The following SETD1A variants were observed in gnomAD, a reference collection of about 807,000 sequenced individuals.
SETD1A encodes SET domain containing 1A, histone lysine methyltransferase, also known as histone-lysine N-methyltransferase SETD1A.
In SETD1A, 29 loss-of-function variants were observed where a neutral mutation model predicts 149.9. The observed-to-expected ratio is 0.19, with a 90% CI of 0.14 to 0.26. SETD1A has a LOEUF of 0.26. Ranked by LOEUF, SETD1A falls within the 10% of genes least tolerant of loss-of-function variation. SETD1A has a pLI of 1.00. For synonymous variants in SETD1A, 1,141 were observed against 968.5 expected (o/e 1.18, Z -3.31); for missense variants, 2,109 against 2,353.1 (o/e 0.90, Z 2.15).
rs1304614866 is a variant in SETD1A at position 30,964,727 on chromosome 16, G to A, written c.985G>A (p.Ala329Thr). The A allele has an allele frequency of 7.4e-6, 12 of 1,613,934 alleles. No individual in the cohort carries two copies. The highest frequency in any genetic ancestry group is 2.2e-5 in the East Asian group (1 of 44,892). Residue 329 changes from alanine (A) to threonine (T), a missense_variant, in exon 7 of 19, where the codon GCC becomes ACC. Coordinates refer to ENST00000262519, the MANE Select transcript of SETD1A (RefSeq NM_014712.3). ...CACAACCGCCTCCACGGCCATCGCC[G>A]CCACCACTGCAGCCACTGCCTCATC... ...ASTTASTAIA[A>T]TTAATASSSA...
intron 13 of SETD1A, among the ~76,000 whole-genome samples, chr16:30,976,494 C>G (rs1185403282): frequency 6.6e-6 from 1 of 151,998 alleles, no homozygotes; most frequent in Admixed American, 6.6e-5. Flanking sequence ...ATGATGAGGA[C>G]CTGGGGCTGT....
intron 9 of SETD1A, 122 bp downstream of exon 9, chr16:30,967,182 C>A: frequency 1.3e-6 from 1 of 742,898 alleles, no homozygotes; most frequent in East Asian, 2.7e-5. Context: ...GAGATGGAGT[C>A]TTACTCTGTT....
chr16:30,969,874 C>T (rs1352979081), intron 12 of SETD1A, among the ~76,000 whole-genome samples, 185 bp downstream of exon 12: 1 of 152,178 alleles, frequency 6.6e-6, no homozygotes, highest in African/African-American at 2.4e-5. Context: ...AAGCTCAGTG[C>T]TCAAAATGCT....
chr16:30,981,006 G>A, intron 16 of SETD1A, 55 bp from the exon 17 acceptor site: 1 of 1,607,742 alleles, frequency 6.2e-7, no homozygotes, highest in Non-Finnish European at 8.5e-7. Flanking sequence ...TGGGAAGAGT[G>A]AGGGTCTGGG....
chr16:30,966,829 A>G, intron 8 of SETD1A, 55 bp from the exon 9 acceptor site: 1 of 1,489,610 alleles, frequency 6.7e-7, no homozygotes, highest in Non-Finnish European at 8.9e-7. Context: ...GGTCTCAGGC[A>G]GGAGGGAATG....
In SETD1A at chr16:30,958,705, T is replaced by C; in HGVS notation, c.-15-12T>C. 1 of 1,612,758 alleles carries C rather than the reference T, an allele frequency of 6.2e-7. No homozygotes were observed. The highest frequency in any genetic ancestry group is 8.5e-7 in the Non-Finnish European group (1 of 1,179,028). The stretch of plus-strand genomic sequence containing the variant: ...TCCTGATCCTTCTTGCGTGTCCCTC[T>C]TCCCCTAACAGTGTAAATGAGCAAA... On this transcript the variant is annotated splice_polypyrimidine_tract_variant and intron_variant, in intron 1 of 18. Transcript: ENST00000262519.
At position 30,964,982 on chromosome 16, in the gene SETD1A, C is replaced by T. The variant is rs781251172; in HGVS notation, c.1240C>T (p.Pro414Ser). ...CCCACCTTCTTACACCTCCTACCTGCCCCCCGAGCCCAGCCGGCCCACCGA... is the reference window on the plus strand; with the variant it reads ...CCCACCTTCTTACACCTCCTACCTGTCCCCCGAGCCCAGCCGGCCCACCGA... ...RFPPSYTSYL[P>S]PEPSRPTDQD... Residue 414 changes from proline (P) to serine (S), a missense_variant, in exon 7 of 19, where the codon CCC (proline) becomes TCC (serine). Physicochemically the swap from Pro to Ser is moderately conservative, Grantham distance 74. Around this residue, in one of 8 missense-constraint regions of SETD1A, gnomAD observed 410 missense variants for 394.8 expected, o/e 1.04. Coordinates refer to ENST00000262519, the MANE Select transcript of SETD1A (RefSeq NM_014712.3). The T allele has an allele frequency of 1.3e-5, 21 of 1,613,640 alleles. No individual in the cohort carries two copies. Among genetic ancestry groups the T allele is most frequent in the Middle Eastern group, 1.6e-4 (1 of 6,080 alleles).
chr16:30,972,199 G>A (rs2056233826), intron 13 of SETD1A, among the ~76,000 whole-genome samples: 3 of 152,170 alleles, frequency 2.0e-5, no homozygotes, highest in South Asian at 4.1e-4. Flanking sequence ...TGAGGGAACC[G>A]CTCTTTCAAG....
At position 30,965,624 on chromosome 16, in the gene SETD1A, C is replaced by A. The variant is rs146323096; in HGVS notation, c.1743C>A (p.Asp581Glu). 6.2e-7 allele frequency: 1 copy of A among 1,611,868 alleles called. No individual in the cohort carries two copies. Among genetic ancestry groups the A allele is most frequent in the Non-Finnish European group, 8.5e-7 (1 of 1,179,394 alleles). The change falls in exon 8 of 19, where the codon GAC (aspartate) becomes GAA (glutamate). Residue 581 changes from aspartate to glutamate, a missense_variant. Physicochemically the swap from Asp to Glu is conservative, Grantham distance 45. Around this residue, in one of 8 missense-constraint regions of SETD1A, gnomAD observed 431 missense variants for 388.6 expected, o/e 1.11. Transcript: ENST00000262519. ...QNQASPCSSG[D>E]DMEISDDDRG... ...AGGCTTCTCCATGCTCTTCTGGAGA[C>A]GACATGGAGATCTCCGACGACGACC...
In SETD1A at chr16:30,968,233, T is replaced by C. The variant is rs530327346; in HGVS notation, c.2770+645T>C. Among the ~76,000 whole-genome samples, 9 of 152,012 alleles carry C rather than the reference T, an allele frequency of 5.9e-5. 1 individual carries two copies. The South Asian group carries it at 1.9e-3, about 32-fold the overall frequency. On this transcript the variant is annotated intron_variant, in intron 10 of 18. Coordinates refer to ENST00000262519, the MANE Select transcript of SETD1A (RefSeq NM_014712.3). ...CAGCCAGGCCAACATGGCACAACCC[T>C]GTCTCTACTAAAAATACAAAACAGC...
chr16:30,964,587 G>T, intron 6 of SETD1A, 25 bp from the exon 7 acceptor site: 1 of 1,601,436 alleles, frequency 6.2e-7, no homozygotes, highest in Non-Finnish European at 8.5e-7. Context: ...GCTGAGTCCA[G>T]CTAACTCCCC....
rs752178881 is a variant in SETD1A, at chr16:30,964,845, C to T, written c.1103C>T (p.Ala368Val). 18 of 1,614,070 alleles carry T rather than the reference C, an allele frequency of 1.1e-5. No individual in the cohort carries two copies. In the East Asian group the frequency reaches 1.8e-4, roughly 16 times the overall value. The change falls in exon 7 of 19, where the codon GCG (alanine) becomes GTG (valine). Residue 368 changes from alanine to valine, a missense_variant. Around this residue, in one of 8 missense-constraint regions of SETD1A, gnomAD observed 410 missense variants for 394.8 expected, o/e 1.04. Coordinates refer to ENST00000262519, the MANE Select transcript of SETD1A (RefSeq NM_014712.3). The stretch of plus-strand genomic sequence containing the variant: ...CGTAGTTCTGATGCAAACTACCCAG[C>T]GTATTATGAAAGCTGGAATCGCTAC... ...QFRSSDANYPAYYESWNRYQR... is the reference protein window; with the variant it reads ...QFRSSDANYPVYYESWNRYQR...
chr16:30,970,736 C>T (rs2056214128), intron 12 of SETD1A, among the ~76,000 whole-genome samples: 1 of 152,166 alleles, frequency 6.6e-6, no homozygotes, highest in African/African-American at 2.4e-5. Context: ...CAGGGTGTCC[C>T]CCCAGGCCAA....
chr16:30,973,393 A>C (rs1214727373), intron 13 of SETD1A, among the ~76,000 whole-genome samples: 1 of 152,122 alleles, frequency 6.6e-6, no homozygotes, highest in African/African-American at 2.4e-5. Context: ...GTCAGTGTTC[A>C]AGATGTGCTA....
rs142407172 is a variant in SETD1A at position 30,967,462 on chromosome 16, T to C, written c.2683-39T>C. 1,014 of 1,588,668 alleles carry C rather than the reference T, an allele frequency of 6.4e-4. 3 individuals are homozygous for C. In the African/African-American group the frequency reaches 0.012, roughly 18 times the overall value. ...AGCCACCGTGCTCTGCCTGAGTGTT[T>C]GAGCTCTAAACAGGCCCCATCTTTT... On this transcript the variant is annotated intron_variant, in intron 9 of 18. Transcript: ENST00000262519.
At chr16:30,963,600 T>C (rs775440738) in intron 5 of SETD1A, 46 bp downstream of exon 5, 1 of 1,573,256 alleles carries the variant, frequency 6.4e-7, no homozygotes, top group Non-Finnish European at 8.6e-7. Context: ...GTGGGCATGG[T>C]GTCCGGGTGC....
chr16:30,964,187 C>A lies in SETD1A; in HGVS notation c.733C>A (p.Gln245Lys). The change falls in exon 6 of 19, where the codon CAG becomes AAG. Residue 245 changes from glutamine (Q) to lysine (K), a missense_variant. Around this residue, in one of 8 missense-constraint regions of SETD1A, gnomAD observed 410 missense variants for 394.8 expected, o/e 1.04. Coordinates refer to ENST00000262519, the MANE Select transcript of SETD1A (RefSeq NM_014712.3). ...GTPGNGTPCSQDTSFSSSRQD... is the reference protein window; with the variant it reads ...GTPGNGTPCSKDTSFSSSRQD... The stretch of plus-strand genomic sequence containing the variant: ...TCCTGGCAACGGCACCCCCTGCTCC[C>A]AGGACACAAGCTTCTCCAGCAGCCG... 6.2e-7 allele frequency: 1 copy of A among 1,614,142 alleles called. No individual in the cohort carries two copies. Among genetic ancestry groups the A allele is most frequent in the African/African-American group, 1.3e-5 (1 of 75,024 alleles).
chr16:30,962,568 T>A (rs1463663338), intron 4 of SETD1A, among the ~76,000 whole-genome samples: 1 of 152,210 alleles, frequency 6.6e-6, no homozygotes, highest in East Asian at 1.9e-4. Flanking sequence ...GATTGCAGTA[T>A]TGTCTGGAGG....
rs1384139479 is a variant in SETD1A, at chr16:30,961,981, G to A, written c.517+444G>A. 6.6e-6 allele frequency among the ~76,000 whole-genome samples: 1 copy of A among 151,946 alleles called. No homozygotes were observed. The highest frequency in any genetic ancestry group is 1.5e-5 in the Non-Finnish European group (1 of 68,008). On this transcript the variant is annotated intron_variant, in intron 4 of 18. Transcript: ENST00000262519. This position sits in a 1 kb window ranked among gnomAD's most constrained non-coding sequence, Gnocchi z 4.0. Reference sequence around the variant, plus strand: ...CAGCCTCCTGAGTAGCTGGGATTATGGGCATGCACCACCACACCTGGCCAA... The same window carrying A: ...CAGCCTCCTGAGTAGCTGGGATTATAGGCATGCACCACCACACCTGGCCAA...
Sources: gnomAD v4.1 joint callset for allele counts (sites outside exome capture counted in the v4.1 genomes callset) on GRCh38, gnomAD v4.1.1 for gene constraint, gnomAD v4.1.1 regional missense constraint, Gnocchi (gnomAD v3.1) non-coding constraint, MANE v1.5 for transcripts, NCBI Gene and HGNC (gene_info 2026-07-23, HGNC 2026-07-21) for gene names.